The following ELP6 variants were observed in gnomAD, a reference collection of about 807,000 sequenced individuals.
ELP6 encodes elongator complex protein 6.
Under a neutral mutation model 28.1 loss-of-function variants are expected in ELP6, and 23 were observed. The ratio of observed to expected loss-of-function variants is 0.82; its 90% confidence interval spans 0.59 to 1.16. ELP6 has a LOEUF of 1.16. Among genes scored for constraint, ELP6 ranks in the 50% most tolerant of loss-of-function variants. The pLI, the probability that ELP6 is intolerant of heterozygous loss-of-function variation, is 0.00. For synonymous variants in ELP6, 132 were observed against 135.8 expected (o/e 0.97, Z 0.19); for missense variants, 313 against 334.6 (o/e 0.94, Z 0.50).
intron 1 of ELP6, chr3:47,511,776 G>T (rs1013706028): frequency 1.0e-6 from 1 of 989,622 alleles, no homozygotes; most frequent in African/African-American, 1.7e-5. Context: ...GAGAGCTCTA[G>T]AAAGACCTCT....
intron 1 of ELP6, 50 bp downstream of exon 1, chr3:47,513,487 T>A (rs908013280): frequency 5.0e-6 from 8 of 1,592,728 alleles, no homozygotes; most frequent in Non-Finnish European, 6.8e-6. Flanking sequence ...GATGCAGTAT[T>A]CCGCTGCCCT....
rs369399582 is a variant in ELP6 at position 47,512,550 on chromosome 3, AAAAT to A, written c.54+983_54+986del. 6.4e-4 allele frequency: 611 copies of A among 957,014 alleles called. 1 individual carries two copies. In the Middle Eastern group the frequency reaches 8.1e-3, roughly 13 times the overall value. The allele number at this position is 957,014 out of a possible 1,614,324, so 59.3% of individuals were successfully genotyped here. A position where few individuals can be genotyped will look rare whatever the true frequency, so the allele number is the denominator to read the frequency against. ...CAGGCGAGGGAGCGAGACTCCATCAAAAATAAATAAATAAATAAATAAGCCAAAA... is the reference window on the plus strand; with the variant it reads ...CAGGCGAGGGAGCGAGACTCCATCAAAAATAAATAAATAAATAAGCCAAAA... On this transcript the variant is annotated intron_variant, in intron 1 of 6. Coordinates refer to ENST00000296149, the MANE Select transcript of ELP6 (RefSeq NM_001031703.3).
intron 2 of ELP6, 37 bp downstream of exon 2, chr3:47,511,111 T>C: frequency 6.4e-7 from 1 of 1,564,416 alleles, no homozygotes; most frequent in Non-Finnish European, 8.8e-7. Flanking sequence ...TGCACCCATC[T>C]TGGGTTTCTT....
At chr3:47,504,591 C>T in intron 3 of ELP6, 143 bp from the exon 4 acceptor site, 1 of 1,275,568 alleles carries the variant, frequency 7.8e-7, no homozygotes, top group Non-Finnish European at 9.9e-7. Context: ...TGTCTTCATT[C>T]CCCTGGGTGC....
chr3:47,505,490 T>C (rs553798226), intron 3 of ELP6, among the ~76,000 whole-genome samples: 1 of 152,180 alleles, frequency 6.6e-6, no homozygotes, highest in Non-Finnish European at 1.5e-5. Context: ...CTGCAACCTC[T>C]GCCTCCTAGG....
intron 4 of ELP6, 128 bp from the exon 5 acceptor site, chr3:47,501,979 T>A: frequency 5.8e-6 from 5 of 856,988 alleles, no homozygotes; most frequent in East Asian, 2.7e-5. Context: ...CAACAAAGAC[T>A]TCATGATCTG....
intron 4 of ELP6, chr3:47,503,070 G>A (rs563311995): frequency 8.0e-5 from 83 of 1,043,764 alleles, no homozygotes; most frequent in Non-Finnish European, 8.9e-5. Context: ...ATGCTCCAGG[G>A]ATGAGCCCCT....
At position 47,513,658 on chromosome 3, in the gene ELP6, A is replaced by G; in HGVS notation, c.-68T>C. On this transcript the variant is annotated 5_prime_UTR_variant, in exon 1 of 7. Transcript: ENST00000296149. The stretch of plus-strand genomic sequence containing the variant: ...GCTGCAGAGACGACGGAGGCTGGAG[A>G]GCAAAACACACCCGACAGCCCGGCT... The G allele has an allele frequency of 1.9e-6, 3 of 1,591,354 alleles. No individual in the cohort carries two copies. Among genetic ancestry groups the G allele is most frequent in the Non-Finnish European group, 2.6e-6 (3 of 1,163,592 alleles).
intron 4 of ELP6, chr3:47,502,408 T>A: frequency 1.1e-6 from 1 of 930,526 alleles, no homozygotes; most frequent in Non-Finnish European, 1.2e-6. Flanking sequence ...AAAATGAGAC[T>A]CTGTCTCAAA....
chr3:47,512,445 G>A (rs1217234326), intron 1 of ELP6, among the ~76,000 whole-genome samples: 1 of 152,200 alleles, frequency 6.6e-6, no homozygotes, highest in Non-Finnish European at 1.5e-5. Context: ...CCAGCTACTT[G>A]GGAGGCTGAA....
chr3:47,498,164 T>C (rs762023435), intron 6 of ELP6, 122 bp downstream of exon 6: 20 of 1,439,136 alleles, frequency 1.4e-5, no homozygotes, highest in Non-Finnish European at 1.8e-5. Flanking sequence ...ATTTCCAGTG[T>C]TTCCCTTCCA....
At chr3:47,511,659 C>T (rs963044561) in intron 1 of ELP6, 6 of 575,010 alleles carry the variant, frequency 1.0e-5, no homozygotes, top group Non-Finnish European at 1.3e-5. Context: ...ATTCTGATGC[C>T]AATTCTATTC....
chr3:47,509,422 A>T (rs1708947054), intron 3 of ELP6, among the ~76,000 whole-genome samples: 1 of 152,222 alleles, frequency 6.6e-6, no homozygotes, highest in Non-Finnish European at 1.5e-5. Context: ...TAGGTCAAGA[A>T]GTTCATCGGC....
intron 4 of ELP6, chr3:47,502,443 A>G (rs1708695018): frequency 1.0e-6 from 1 of 982,964 alleles, no homozygotes. Context: ...AAAAAAAGAG[A>G]CACCATACAG....
In ELP6 at chr3:47,513,558, G is replaced by A. The variant is rs1341479937; in HGVS notation, c.33C>T (p.Thr11=). 1.2e-5 allele frequency: 19 copies of A among 1,612,952 alleles called. No homozygotes were observed. The highest frequency in any genetic ancestry group is 9.9e-5 in the South Asian group (9 of 90,902). MFVELNNLLN[T]TPDRAEQGKL... ...TTACCTGCTCCGCCCTGTCGGGGGTGGTGTTAAGCAGGTTATTAAGTTCCA... is the reference window on the plus strand; with the variant it reads ...TTACCTGCTCCGCCCTGTCGGGGGTAGTGTTAAGCAGGTTATTAAGTTCCA... The change falls in exon 1 of 7, where the codon ACC becomes ACT. Residue 11 remains threonine (T), a synonymous_variant. Coordinates refer to ENST00000296149, the MANE Select transcript of ELP6 (RefSeq NM_001031703.3).
At position 47,496,189 on chromosome 3, in the gene ELP6, G is replaced by A; in HGVS notation, c.681C>T (p.Ile227=). The part of the protein sequence containing the change: ...FCRDVHGQLR[I]LWRRPSQPAV... ...CGGGCTGCGATGGTCTCCTCCACAG[G>A]ATCCTCAGCTACAGAGACAGAGAAG... Residue 227 remains isoleucine (I), a synonymous_variant, in exon 7 of 7, where the codon ATC becomes ATT. Coordinates refer to ENST00000296149, the MANE Select transcript of ELP6 (RefSeq NM_001031703.3). 1 of 1,613,712 alleles carries A rather than the reference G, an allele frequency of 6.2e-7. No individual in the cohort carries two copies. Among genetic ancestry groups the A allele is most frequent in the South Asian group, 1.1e-5 (1 of 91,034 alleles).
chr3:47,500,828 C>G (rs1336848763), intron 5 of ELP6, among the ~76,000 whole-genome samples: 1 of 152,220 alleles, frequency 6.6e-6, no homozygotes, highest in East Asian at 1.9e-4. Flanking sequence ...GATACCCACA[C>G]ACCTGGCTAA....
chr3:47,507,069 A>G (rs1708858602), intron 3 of ELP6, among the ~76,000 whole-genome samples: 1 of 152,182 alleles, frequency 6.6e-6, no homozygotes, highest in African/African-American at 2.4e-5. Flanking sequence ...CCTGATTAAA[A>G]TGTAGATTCC....
At chr3:47,502,572 C>T (rs1708699027) in intron 4 of ELP6, 3 of 983,720 alleles carry the variant, frequency 3.0e-6, no homozygotes, top group Non-Finnish European at 3.6e-6. Context: ...CAGTAGCTCA[C>T]ACCTGTAATC....
Sources: allele counts gnomAD v4.1 joint callset (sites outside exome capture counted in the v4.1 genomes callset), GRCh38; gene constraint gnomAD v4.1.1; transcripts MANE v1.5; gene names NCBI Gene and HGNC (gene_info 2026-07-23, HGNC 2026-07-21).